Variants in GRID2 observed in about 807,000 individuals in gnomAD.
GRID2 encodes glutamate receptor ionotropic, delta-2.
Under a neutral mutation model 114.8 loss-of-function variants are expected in GRID2, and 33 were observed. That is an observed-to-expected ratio of 0.29 (90% confidence interval 0.22 to 0.38). The LOEUF is 0.38. Among genes scored for constraint, GRID2 ranks in the 10% least tolerant of loss-of-function variants. The pLI, the probability that GRID2 is intolerant of heterozygous loss-of-function variation, is 1.00. For synonymous variants in GRID2, 505 were observed against 449.9 expected, an observed-to-expected ratio of 1.12 and a Z score of -1.55; for missense variants, 1,184 against 1,257.7, an observed-to-expected ratio of 0.94 and a Z score of 0.89.
chr4:92,983,454 T>A (rs1188952006), intron 2 of GRID2, among the ~76,000 whole-genome samples: 1 of 152,122 alleles, frequency 6.6e-6, no homozygotes, highest in African/African-American at 2.4e-5. Context: ...AATACCTGAA[T>A]TTTGGTGAGG....
chr4:92,913,353 C>A (rs1020669695), intron 2 of GRID2, among the ~76,000 whole-genome samples: 19 of 151,762 alleles, frequency 1.3e-4, no homozygotes, highest in African/African-American at 4.6e-4. Flanking sequence ...TGTTTTATTG[C>A]TATTCTGGGC....
At chr4:92,319,652 G>A (rs1579173452) in intron 1 of GRID2, among the ~76,000 whole-genome samples, 3 of 152,106 alleles carry the variant, frequency 2.0e-5, no homozygotes, top group Non-Finnish European at 4.4e-5. Context: ...CTTCCTGTCT[G>A]GACAAAGCAG....
intron 8 of GRID2, among the ~76,000 whole-genome samples, chr4:93,360,763 T>G (rs759269450): frequency 2.6e-5 from 4 of 151,892 alleles, no homozygotes; most frequent in Non-Finnish European, 4.4e-5. Context: ...TCAATTATAT[T>G]ATTTATGATA....
intron 6 of GRID2, among the ~76,000 whole-genome samples, chr4:93,218,699 T>C (rs1744522567): frequency 6.6e-6 from 1 of 152,102 alleles, no homozygotes; most frequent in Non-Finnish European, 1.5e-5. Context: ...CTCTTTAAAT[T>C]TCAGTTCCAC....
chr4:93,035,998 A>G (rs1724898878), intron 2 of GRID2, among the ~76,000 whole-genome samples: 1 of 152,190 alleles, frequency 6.6e-6, no homozygotes, highest in African/African-American at 2.4e-5. Flanking sequence ...TCTGTGGACC[A>G]GGAAGCTTTT....
At chr4:92,693,827 T>C (rs2149295240) in intron 2 of GRID2, among the ~76,000 whole-genome samples, 1 of 152,318 alleles carries the variant, frequency 6.6e-6, no homozygotes, top group South Asian at 2.1e-4. Context: ...AGTAAAGCAG[T>C]TATATAGGAT....
intron 4 of GRID2, among the ~76,000 whole-genome samples, chr4:93,178,102 A>G (rs1235139144): frequency 1.3e-5 from 2 of 150,806 alleles, no homozygotes; most frequent in Non-Finnish European, 2.9e-5. Flanking sequence ...GCTAGTGAGC[A>G]AGTAACCATT....
Position 92,991,531 on chromosome 4 carries a change from T to C in GRID2, c.245-93464T>C, listed in dbSNP as rs567222554. On this transcript the variant is annotated intron_variant, in intron 2 of 15. Transcript: ENST00000282020. ...TTAACCACCCAAAGGGTAAATAGAATGTGAATCGAATGTCTCAAGTTGGTT... is the reference window on the plus strand; with the variant it reads ...TTAACCACCCAAAGGGTAAATAGAACGTGAATCGAATGTCTCAAGTTGGTT... Among the ~76,000 whole-genome samples, 3 of 152,312 alleles carry C rather than the reference T, an allele frequency of 2.0e-5. No individual in the cohort carries two copies. The South Asian group carries it at 6.2e-4, about 32-fold the overall frequency.
At chr4:92,457,926 C>G (rs2149084847) in intron 1 of GRID2, among the ~76,000 whole-genome samples, 1 of 152,192 alleles carries the variant, frequency 6.6e-6, no homozygotes, top group East Asian at 1.9e-4. Flanking sequence ...ATAATTTCTG[C>G]CATTGTAAAT....
Position 93,772,723 on chromosome 4 carries a change from C to G in GRID2, c.*225C>G. 1 of 513,604 alleles carries G rather than the reference C, an allele frequency of 1.9e-6. No homozygotes were observed. The highest frequency in any genetic ancestry group is 3.4e-5 in the South Asian group (1 of 29,018). 31.8% of individuals were successfully genotyped at this position (513,604 alleles called of 1,614,324 possible). On this transcript the variant is annotated 3_prime_UTR_variant, in exon 16 of 16. Coordinates refer to ENST00000282020, the MANE Select transcript of GRID2 (RefSeq NM_001510.4). ...TTTTCCTCCACTTTTTTTCATTACT[C>G]AACTTGTTCCCCAAGAAGGTAGTGT...
chr4:92,529,761 C>T (rs1725237370), intron 1 of GRID2, among the ~76,000 whole-genome samples: 1 of 152,120 alleles, frequency 6.6e-6, no homozygotes, highest in Non-Finnish European at 1.5e-5. Context: ...AGGACCATCT[C>T]TTCAATAGTT....
chr4:93,361,353 T>G (rs1408111088), intron 8 of GRID2, among the ~76,000 whole-genome samples: 1 of 152,086 alleles, frequency 6.6e-6, no homozygotes. Context: ...AATATGCTGC[T>G]TGGTCTTGTA....
intron 2 of GRID2, among the ~76,000 whole-genome samples, chr4:92,605,085 GT>G (rs1729390769): frequency 6.6e-6 from 1 of 151,986 alleles, no homozygotes; most frequent in African/African-American, 2.4e-5. Flanking sequence ...TGCTATGATT[GT>G]AAGTTTCCTG....
intron 2 of GRID2, among the ~76,000 whole-genome samples, chr4:92,872,267 T>G (rs1460661619): frequency 2.6e-5 from 4 of 152,114 alleles, no homozygotes; most frequent in African/African-American, 9.7e-5. Flanking sequence ...AAAGAATATA[T>G]GAAGAAAGCT....
At chr4:92,521,720 T>C (rs1035246276) in intron 1 of GRID2, among the ~76,000 whole-genome samples, 2 of 151,924 alleles carry the variant, frequency 1.3e-5, no homozygotes, top group Non-Finnish European at 2.9e-5. Context: ...ATAAAATTTC[T>C]TGCAGAGGGG....
At chr4:92,750,882 GAT>G (rs2149338621) in intron 2 of GRID2, among the ~76,000 whole-genome samples, 1 of 152,182 alleles carries the variant, frequency 6.6e-6, no homozygotes, top group Admixed American at 6.5e-5. Context: ...TAATTTTAGA[GAT>G]AAGTAATTTT....
At chr4:93,721,623 T>C (rs1321512757) in intron 14 of GRID2, among the ~76,000 whole-genome samples, 1 of 152,162 alleles carries the variant, frequency 6.6e-6, no homozygotes, top group Non-Finnish European at 1.5e-5. Context: ...CTGTGATTGG[T>C]GTGAGTATTG....
chr4:93,062,669 AAGAG>A (rs1727911609), intron 2 of GRID2, among the ~76,000 whole-genome samples: 1 of 152,050 alleles, frequency 6.6e-6, no homozygotes, highest in Non-Finnish European at 1.5e-5. Flanking sequence ...CAGGGCTAAA[AAGAG>A]AGATCATTTC....
intron 14 of GRID2, among the ~76,000 whole-genome samples, chr4:93,732,746 A>G (rs1463392280): frequency 6.6e-6 from 1 of 151,974 alleles, no homozygotes; most frequent in East Asian, 1.9e-4. Flanking sequence ...AACCATGGCA[A>G]CTCCATCAGC....
Sources: gnomAD v4.1 joint callset for allele counts (sites outside exome capture counted in the v4.1 genomes callset) on GRCh38, gnomAD v4.1.1 for gene constraint, MANE v1.5 for transcripts, NCBI Gene and HGNC (gene_info 2026-07-23, HGNC 2026-07-21) for gene names.